PLXNA4: variants seen among roughly 807,000 people sequenced by gnomAD.
PLXNA4 encodes plexin A4.
Under a neutral mutation model 191.8 loss-of-function variants are expected in PLXNA4, and 44 were observed. The ratio of observed to expected loss-of-function variants is 0.23; its 90% CI spans 0.18 to 0.29. PLXNA4 has a LOEUF of 0.29. PLXNA4 is among the 10% of genes least tolerant of loss of function. The pLI is 1.00. For missense variants in PLXNA4, 1,800 were observed against 2,488.8 expected (o/e 0.72, Z 5.89); for synonymous variants, 1,082 against 1,009.5 (o/e 1.07, Z -1.36).
At chr7:132,369,504 G>A (rs1052859948) in intron 3 of PLXNA4, among the ~76,000 whole-genome samples, 1 of 152,086 alleles carries the variant, frequency 6.6e-6, no homozygotes, top group Non-Finnish European at 1.5e-5. Context: ...CTTGGCTAAT[G>A]GAAGAAGCCA....
At chr7:132,564,373 T>TCTC (rs112244070) in intron 1 of PLXNA4, among the ~76,000 whole-genome samples, 1 of 107,274 alleles carries the variant, frequency 9.3e-6, no homozygotes, top group Non-Finnish European at 2.1e-5. Flanking sequence ...TCCTCCTCCT[T>TCTC]CTCCTCCTCC....
At chr7:132,146,404 C>T in intron 28 of PLXNA4, 106 bp downstream of exon 28, 1 of 1,568,138 alleles carries the variant, frequency 6.4e-7, no homozygotes, top group Non-Finnish European at 8.8e-7. Flanking sequence ...ATAGAGTGGG[C>T]ACCAGCATGA....
rs543813393 is a variant in PLXNA4 at position 132,354,154 on chromosome 7, T to C, written c.1372-55932A>G. 5.3e-5 allele frequency among the ~76,000 whole-genome samples: 8 copies of C among 151,658 alleles called. No individual in the cohort carries two copies. The South Asian group carries it at 1.5e-3, about 28-fold the overall frequency. On this transcript the variant is annotated intron_variant, in intron 3 of 31. Transcript: ENST00000321063. ...GAATCATTACAGCCAGAAATGTGTATGCCTGTAAGCCTGGGGCACCAACAG... is the reference window on the plus strand; with the variant it reads ...GAATCATTACAGCCAGAAATGTGTACGCCTGTAAGCCTGGGGCACCAACAG...
rs1343298790 is a variant in PLXNA4 at position 132,123,635 on chromosome 7, C to T, written c.*6844G>A. 2 of 152,070 alleles carry T rather than the reference C, an allele frequency of 1.3e-5. No homozygotes were observed. The highest frequency in any genetic ancestry group is 1.9e-4 in the East Asian group (1 of 5,172). 9.4% of individuals were successfully genotyped at this position (152,070 alleles called of 1,614,324 possible). On this transcript the variant is annotated 3_prime_UTR_variant, in exon 32 of 32. Transcript: ENST00000321063. Reference sequence around the variant, plus strand: ...ATCTCATCCACATACATTTGAGGCTCATTTTAACACTGTTGTCTAAAGATA... The same window carrying T: ...ATCTCATCCACATACATTTGAGGCTTATTTTAACACTGTTGTCTAAAGATA...
intron 5 of PLXNA4, among the ~76,000 whole-genome samples, chr7:132,230,569 T>C (rs1798491477): frequency 1.3e-5 from 2 of 152,182 alleles, no homozygotes; most frequent in African/African-American, 4.8e-5. Context: ...AGCTGACCGA[T>C]GGCAACAAGA....
intron 3 of PLXNA4, among the ~76,000 whole-genome samples, chr7:132,411,696 T>A (rs1794466373): frequency 6.6e-6 from 1 of 152,090 alleles, no homozygotes; most frequent in African/African-American, 2.4e-5. Flanking sequence ...AAGAAATGAG[T>A]GTCAGTCCGT....
intron 1 of PLXNA4, among the ~76,000 whole-genome samples, chr7:132,565,416 C>T (rs1801677380): frequency 1.3e-5 from 2 of 152,152 alleles, no homozygotes; most frequent in Admixed American, 1.3e-4. Flanking sequence ...CCTGGAAAAA[C>T]CACAGCCACA....
intron 3 of PLXNA4, among the ~76,000 whole-genome samples, chr7:132,459,633 A>G (rs1023968360): frequency 6.6e-6 from 1 of 152,182 alleles, no homozygotes; most frequent in Admixed American, 6.5e-5. Context: ...GCCCATGGGC[A>G]GCATTTTAGC....
chr7:132,405,072 A>ATGTGTGTGTGTG (rs55647746), intron 3 of PLXNA4, among the ~76,000 whole-genome samples: 1 of 149,128 alleles, frequency 6.7e-6, no homozygotes, highest in Non-Finnish European at 1.5e-5. Context: ...GTGTGTGTGT[A>ATGTGTGTGTGTG]TGTGTGTGTG....
intron 3 of PLXNA4, among the ~76,000 whole-genome samples, chr7:132,465,950 C>T (rs562816514): frequency 2.6e-5 from 4 of 152,194 alleles, no homozygotes; most frequent in African/African-American, 7.2e-5. Flanking sequence ...ACATTCCCTT[C>T]GAAGGGATTC....
chr7:132,406,946 C>A (rs1280655714), intron 3 of PLXNA4, among the ~76,000 whole-genome samples: 5 of 152,052 alleles, frequency 3.3e-5, no homozygotes, highest in Admixed American at 2.0e-4. Context: ...TTCTAGGCCT[C>A]ATTTACCCCT....
chr7:132,526,241 C>T (rs948179503), intron 1 of PLXNA4, among the ~76,000 whole-genome samples: 2 of 152,150 alleles, frequency 1.3e-5, no homozygotes, highest in Non-Finnish European at 2.9e-5. Context: ...TCCCTTCCCA[C>T]CAAAGGCTCA....
intron 3 of PLXNA4, among the ~76,000 whole-genome samples, chr7:132,312,942 G>A (rs16874167): frequency 0.26 from 39,386 of 152,184 alleles, 5,334 homozygotes; most frequent in Admixed American, 0.34. Context: ...ATGTTGCACA[G>A]CTACGTCATT....
chr7:132,369,290 A>C (rs954065765), intron 3 of PLXNA4, among the ~76,000 whole-genome samples: 1 of 152,132 alleles, frequency 6.6e-6, no homozygotes, highest in Non-Finnish European at 1.5e-5. Context: ...ACCTGCTAAG[A>C]CGTATCACCA....
intron 3 of PLXNA4, among the ~76,000 whole-genome samples, chr7:132,478,854 GGTGGGGAGGTAAAA>G (rs1444114260): frequency 6.6e-6 from 1 of 152,098 alleles, no homozygotes; most frequent in African/African-American, 2.4e-5. Flanking sequence ...CTCATATCTT[GGTGGGGAGGTAAAA>G]GTGGTTAAGC....
At chr7:132,482,606 G>C (rs1797382000) in intron 3 of PLXNA4, among the ~76,000 whole-genome samples, 1 of 152,112 alleles carries the variant, frequency 6.6e-6, no homozygotes, top group African/African-American at 2.4e-5. Context: ...TCTAAGTTCT[G>C]GAGTAGTTCA....
At chr7:132,516,204 A>C (rs1798928630) in intron 1 of PLXNA4, among the ~76,000 whole-genome samples, 2 of 151,220 alleles carry the variant, frequency 1.3e-5, no homozygotes, top group Admixed American at 6.6e-5. Flanking sequence ...AATACTTAAA[A>C]TACTCCATTT....
intron 2 of PLXNA4, among the ~76,000 whole-genome samples, chr7:132,621,692 G>T (rs1166614302): frequency 6.6e-6 from 1 of 152,128 alleles, no homozygotes; most frequent in Non-Finnish European, 1.5e-5. Context: ...ACTTAAAATT[G>T]CCATAAATAC....
intron 4 of PLXNA4, among the ~76,000 whole-genome samples, chr7:132,268,448 C>T (rs180957817): frequency 6.6e-6 from 1 of 152,306 alleles, no homozygotes; most frequent in Non-Finnish European, 1.5e-5. Flanking sequence ...TTATTTTACC[C>T]TCATCCAGTT....
Sources: allele counts gnomAD v4.1 joint callset (sites outside exome capture counted in the v4.1 genomes callset), GRCh38; gene constraint gnomAD v4.1.1; transcripts MANE v1.5; gene names NCBI Gene and HGNC (gene_info 2026-07-23, HGNC 2026-07-21).